EPB41L5: variants seen among roughly 807,000 people sequenced by gnomAD.
EPB41L5 encodes the protein erythrocyte membrane protein band 4.1 like 5, also known as band 4.1-like protein 5.
Under a neutral mutation model 106.6 loss-of-function variants are expected in EPB41L5, and 55 were observed. That is an observed-to-expected ratio of 0.52 (90% confidence interval 0.42 to 0.65). The LOEUF (loss-of-function observed/expected upper bound fraction) is 0.65, where lower values mean the gene tolerates loss of function less well. Among genes scored for constraint, EPB41L5 ranks in the 30% least tolerant of loss-of-function variants. The probability of loss-of-function intolerance (pLI) is 0.00; values close to 1 mark genes in which losing one functional copy is unlikely to be tolerated. For missense variants in EPB41L5, 871 were observed against 882.1 expected, an observed-to-expected ratio of 0.99 and a Z score of 0.16; for synonymous variants, 297 against 306.7, an observed-to-expected ratio of 0.97 and a Z score of 0.33.
chr2:120,094,429 A>G (rs1402837159), intron 14 of EPB41L5, among the ~76,000 whole-genome samples: 1 of 148,250 alleles, frequency 6.7e-6, no homozygotes, highest in African/African-American at 2.5e-5. Flanking sequence ...TTCCATAGTA[A>G]TATCTCCTCC....
At chr2:120,135,382 G>C (rs1685878531) in intron 18 of EPB41L5, among the ~76,000 whole-genome samples, 1 of 152,042 alleles carries the variant, frequency 6.6e-6, no homozygotes, top group Non-Finnish European at 1.5e-5. Flanking sequence ...TGTTCAAAGG[G>C]ATAATAACAG....
chr2:120,070,494 A>G (rs918486915), intron 3 of EPB41L5, among the ~76,000 whole-genome samples: 5 of 152,230 alleles, frequency 3.3e-5, no homozygotes, highest in African/African-American at 9.7e-5. Context: ...GGCCAGCATC[A>G]TCCTGTTACC....
intron 2 of EPB41L5, among the ~76,000 whole-genome samples, chr2:120,019,624 A>G (rs1227106732): frequency 6.6e-6 from 1 of 152,208 alleles, no homozygotes; most frequent in Non-Finnish European, 1.5e-5. Flanking sequence ...AACGTTGTGA[A>G]TCTTTGAGAA....
intron 16 of EPB41L5, among the ~76,000 whole-genome samples, chr2:120,118,727 TC>T (rs1157333223): frequency 6.6e-6 from 1 of 152,230 alleles, no homozygotes; most frequent in East Asian, 1.9e-4. Flanking sequence ...TGCAACATTT[TC>T]TTTATCCAGT....
intron 16 of EPB41L5, among the ~76,000 whole-genome samples, chr2:120,120,686 T>C (rs1685177951): frequency 6.6e-6 from 1 of 152,010 alleles, no homozygotes; most frequent in Non-Finnish European, 1.5e-5. Flanking sequence ...AAAAAACCCA[T>C]AAAGGTCTTC....
At chr2:120,139,370 A>G (rs980785973) in intron 18 of EPB41L5, among the ~76,000 whole-genome samples, 3 of 152,106 alleles carry the variant, frequency 2.0e-5, no homozygotes, top group African/African-American at 4.8e-5. Flanking sequence ...AAAGGAAACA[A>G]TCAACAAAGT....
intron 3 of EPB41L5, among the ~76,000 whole-genome samples, chr2:120,043,643 C>T (rs930332397): frequency 1.7e-4 from 26 of 151,104 alleles, no homozygotes; most frequent in African/African-American, 3.7e-4. Flanking sequence ...GAGACTGAGG[C>T]GAGAGGATCC....
rs1457284279 is a variant in EPB41L5, at chr2:120,104,273, T to C, written c.1337+3459T>C. 5 of 1,521,616 alleles carry C rather than the reference T, an allele frequency of 3.3e-6. No homozygotes were observed. The East Asian group carries it at 1.2e-4, about 37-fold the overall frequency. 94.3% of individuals were successfully genotyped at this position (1,521,616 alleles called of 1,614,324 possible). On this transcript the variant is annotated intron_variant, in intron 16 of 24. Coordinates refer to ENST00000263713, the MANE Select transcript of EPB41L5 (RefSeq NM_020909.4). Reference sequence around the variant, plus strand: ...GCCTCTTAGGCTTTGGGACTCTTTGTCATGCAAGTTGATGGTATACATTAT... The same window carrying C: ...GCCTCTTAGGCTTTGGGACTCTTTGCCATGCAAGTTGATGGTATACATTAT...
intron 20 of EPB41L5, among the ~76,000 whole-genome samples, chr2:120,152,571 C>A (rs1034047611): frequency 3.3e-5 from 5 of 152,148 alleles, no homozygotes; most frequent in African/African-American, 1.2e-4. Context: ...AATTTTCTTA[C>A]AATGTCTTTA....
At chr2:120,106,871 T>C in intron 16 of EPB41L5, 3 of 981,920 alleles carry the variant, frequency 3.1e-6, no homozygotes, top group Non-Finnish European at 3.6e-6. Context: ...ATAGATAACA[T>C]ACTTTTAAAT....
Position 120,076,958 on chromosome 2 carries a change from C to T in EPB41L5, c.506-13C>T. ...CAGGAAATACATATAACTTTTGAAA[C>T]TTATGTTTATAGCTGAACTTGGTGA... On this transcript the variant is annotated splice_polypyrimidine_tract_variant and intron_variant, in intron 7 of 24. Transcript: ENST00000263713. The T allele has an allele frequency of 1.3e-6, 2 of 1,572,952 alleles. No individual in the cohort carries two copies. The highest frequency in any genetic ancestry group is 8.6e-7 in the Non-Finnish European group (1 of 1,160,508).
chr2:120,057,217 A>C (rs956624242), intron 3 of EPB41L5, among the ~76,000 whole-genome samples: 3 of 152,152 alleles, frequency 2.0e-5, no homozygotes, highest in African/African-American at 4.8e-5. Flanking sequence ...CACTTTAGAG[A>C]GTAAAAGGGG....
chr2:120,030,194 AAGAC>A (rs2105166121), intron 2 of EPB41L5, among the ~76,000 whole-genome samples: 1 of 152,306 alleles, frequency 6.6e-6, no homozygotes, highest in East Asian at 1.9e-4. Flanking sequence ...ATTTCCCGAA[AAGAC>A]CCCCTTCTTG....
chr2:120,157,329 A>G (rs1686943534), intron 20 of EPB41L5, among the ~76,000 whole-genome samples: 1 of 152,114 alleles, frequency 6.6e-6, no homozygotes, highest in Non-Finnish European at 1.5e-5. Flanking sequence ...GCCCACATCA[A>G]AAAGTTAGAA....
chr2:120,095,500 C>T (rs1683688922), intron 14 of EPB41L5, among the ~76,000 whole-genome samples: 1 of 143,314 alleles, frequency 7.0e-6, no homozygotes, highest in South Asian at 2.2e-4. Flanking sequence ...TCTCTTTATA[C>T]TTTTTTTTTT....
intron 10 of EPB41L5, among the ~76,000 whole-genome samples, chr2:120,084,576 C>T (rs1370845617): frequency 6.6e-6 from 1 of 152,164 alleles, no homozygotes; most frequent in Non-Finnish European, 1.5e-5. Context: ...TTCATTTCCA[C>T]TTTGGTGAAT....
chr2:120,141,865 G>T (rs535339437), intron 18 of EPB41L5, among the ~76,000 whole-genome samples: 1 of 152,162 alleles, frequency 6.6e-6, no homozygotes, highest in Admixed American at 6.5e-5. Context: ...TATGTTAGAG[G>T]TATGCAGATT....
At chr2:120,145,284 TC>T (rs1686346870) in intron 19 of EPB41L5, among the ~76,000 whole-genome samples, 1 of 152,346 alleles carries the variant, frequency 6.6e-6, no homozygotes, top group South Asian at 2.1e-4. Flanking sequence ...ACATGAATGT[TC>T]CTAGCAGCTT....
chr2:120,026,557 C>T (rs10176386), intron 2 of EPB41L5, among the ~76,000 whole-genome samples: 11,067 of 152,098 alleles, frequency 0.073, 465 homozygotes, highest in African/African-American at 0.11. Flanking sequence ...TTAGTAGAGA[C>T]GGGATTTCAC....
Sources: gnomAD v4.1 joint callset for allele counts (sites outside exome capture counted in the v4.1 genomes callset) on GRCh38, gnomAD v4.1.1 for gene constraint, MANE v1.5 for transcripts, NCBI Gene and HGNC (gene_info 2026-07-23, HGNC 2026-07-21) for gene names.